ZNF827: variants seen among roughly 807,000 people sequenced by gnomAD.
The protein encoded by ZNF827 is zinc finger protein 827.
ZNF827 carries 13 observed loss-of-function variants against 102.4 expected under a neutral mutation model. The ratio of observed to expected loss-of-function variants is 0.13; its 90% CI spans 0.08 to 0.20. The LOEUF (loss-of-function observed/expected upper bound fraction) is 0.20. Among genes scored for constraint, ZNF827 ranks in the 10% least tolerant of loss-of-function variants. The probability of loss-of-function intolerance (pLI) is 1.00; values close to 1 mark genes in which losing one functional copy is unlikely to be tolerated. For missense variants in ZNF827, 1,103 were observed against 1,344.4 expected (o/e 0.82, Z 2.81); for synonymous variants, 523 against 536.2 (o/e 0.98, Z 0.34).
At position 145,761,450 on chromosome 4, in the gene ZNF827, G is replaced by A; in HGVS notation, c.*166C>T. ...TGGTCGCACTTGTAGTGGTTGCCCA[G>A]GCGGTGCTCCCGGGTGTGCGTCTCC... is the stretch of plus-strand genomic sequence containing the variant. On this transcript the variant is annotated 3_prime_UTR_variant, in exon 15 of 15. Transcript: ENST00000508784. This position sits in a 1 kb window ranked among gnomAD's most constrained non-coding sequence, Gnocchi z 6.8. 1 of 1,289,868 alleles carries A rather than the reference G, an allele frequency of 7.8e-7. No homozygotes were observed. The highest frequency in any genetic ancestry group is 1.0e-6 in the Non-Finnish European group (1 of 988,866). 79.9% of individuals were successfully genotyped at this position (1,289,868 alleles called of 1,614,324 possible).
chr4:145,917,495 C>T (rs1039508666), intron 1 of ZNF827, among the ~76,000 whole-genome samples: 13 of 152,090 alleles, frequency 8.5e-5, no homozygotes, highest in Middle Eastern at 3.4e-3. Flanking sequence ...AGCTATGAAG[C>T]CACAGCTTCT....
At chr4:145,874,917 TG>T (rs543862082) in intron 4 of ZNF827, among the ~76,000 whole-genome samples, 163 of 152,308 alleles carry the variant, frequency 1.1e-3, no homozygotes, top group Admixed American at 3.1e-3. Context: ...TTTATGTACT[TG>T]ATGGAGGTGG....
intron 1 of ZNF827, among the ~76,000 whole-genome samples, chr4:145,923,854 G>A (rs748487726): frequency 1.3e-5 from 2 of 152,052 alleles, no homozygotes; most frequent in South Asian, 2.1e-4. Context: ...CAATGCATAC[G>A]CACAAAAGGT....
At chr4:145,842,758 A>G (rs1428138780) in intron 7 of ZNF827, among the ~76,000 whole-genome samples, 3 of 152,208 alleles carry the variant, frequency 2.0e-5, no homozygotes, top group Middle Eastern at 3.2e-3. Flanking sequence ...TGCCCTTTAC[A>G]AACGAAACTA....
rs374611975 is a variant in ZNF827 at position 145,915,956 on chromosome 4, G to A, written c.44-12741C>T. ...CCTGAGTAAGTCCAAAACCCAACAGGGAAAACAATATTACATCTTAAGATG... is the reference window on the plus strand; with the variant it reads ...CCTGAGTAAGTCCAAAACCCAACAGAGAAAACAATATTACATCTTAAGATG... On this transcript the variant is annotated intron_variant, in intron 1 of 14. Transcript: ENST00000508784. 4.6e-5 allele frequency among the ~76,000 whole-genome samples: 7 copies of A among 152,338 alleles called. No individual in the cohort carries two copies. The East Asian group carries it at 1.2e-3, about 25-fold the overall frequency.
intron 4 of ZNF827, among the ~76,000 whole-genome samples, chr4:145,882,619 A>T (rs965303901): frequency 6.6e-6 from 1 of 152,186 alleles, no homozygotes; most frequent in Admixed American, 6.5e-5. Flanking sequence ...GTTTTAGTTG[A>T]AGGAGCAAGA....
chr4:145,876,321 A>G (rs1479066093), intron 4 of ZNF827, among the ~76,000 whole-genome samples: 1 of 152,196 alleles, frequency 6.6e-6, no homozygotes, highest in African/African-American at 2.4e-5. Flanking sequence ...TGGCATCTCT[A>G]CGCACTAGTA....
At position 145,760,804 on chromosome 4, in the gene ZNF827, A is replaced by G. The variant is rs907726600; in HGVS notation, c.*812T>C. The G allele has an allele frequency of 1.7e-6, 2 of 1,172,378 alleles. No individual in the cohort carries two copies. The allele number at this position is 1,172,378 out of a possible 1,614,324, so 72.6% of individuals were successfully genotyped here. A position where few individuals can be genotyped will look rare whatever the true frequency, so the allele number is the denominator to read the frequency against. On this transcript the variant is annotated 3_prime_UTR_variant, in exon 15 of 15. Transcript: ENST00000508784. ...TCAGACAGTCTCTGCTCTTTCTCTC[A>G]GTCCGAGATAGGCCAGGAAGGAGTG...
At chr4:145,776,198 T>C (rs191361237) in intron 9 of ZNF827, among the ~76,000 whole-genome samples, 184 of 152,282 alleles carry the variant, frequency 1.2e-3, no homozygotes, top group Middle Eastern at 3.4e-3. Flanking sequence ...GGCTCACACC[T>C]GTAATTCTAG....
chr4:145,763,122 G>A lies in ZNF827; in HGVS notation c.3231C>T (p.Asn1077=). The A allele has an allele frequency of 6.5e-7, 1 of 1,536,078 alleles. No homozygotes were observed. Among genetic ancestry groups the A allele is most frequent in the Non-Finnish European group, 8.7e-7 (1 of 1,146,860 alleles). ...KCHTVPTGGL[N]SGQW is the part of the protein sequence containing the mutation. ...AGTCTGAAACTCACCACTGTCCTGAGCTACGGCAAAAGAAAAATAATAGTA... is the reference window on the plus strand; with the variant it reads ...AGTCTGAAACTCACCACTGTCCTGAACTACGGCAAAAGAAAAATAATAGTA... The change falls in exon 14 of 15, where the codon AAC becomes AAT. Residue 1077 remains asparagine, a splice_region_variant and synonymous_variant. Coordinates refer to ENST00000508784, the MANE Select transcript of ZNF827 (RefSeq NM_001306215.2). This position sits in a 1 kb window ranked among gnomAD's most constrained non-coding sequence, Gnocchi z 4.6.
Position 145,911,595 on chromosome 4 carries a change from T to A in ZNF827, c.44-8380A>T, listed in dbSNP as rs796969795. On this transcript the variant is annotated intron_variant, in intron 1 of 14. Transcript: ENST00000508784. The stretch of plus-strand genomic sequence containing the variant: ...TAATCTGTACGATATCAAAAACTAT[T>A]CATTATACTTGAAGTTTGTTATATG... Among the ~76,000 whole-genome samples the A allele has an allele frequency of 9.8e-5, 15 of 152,320 alleles. 1 individual carries two copies. The highest frequency in any genetic ancestry group is 3.4e-4 in the African/African-American group (14 of 41,564).
intron 7 of ZNF827, among the ~76,000 whole-genome samples, chr4:145,838,547 G>T (rs1192989236): frequency 6.6e-6 from 1 of 152,068 alleles, no homozygotes; most frequent in Non-Finnish European, 1.5e-5. Flanking sequence ...AATTTTTTGG[G>T]GGGGGACCCT....
Position 145,885,951 on chromosome 4 carries a change from C to T in ZNF827, c.1474G>A (p.Gly492Arg), listed in dbSNP as rs747648940. 2.5e-6 allele frequency: 4 copies of T among 1,614,128 alleles called. No homozygotes were observed. Among genetic ancestry groups the T allele is most frequent in the Non-Finnish European group, 8.5e-7 (1 of 1,179,996 alleles). The change falls in exon 4 of 15, where the codon GGA becomes AGA. Residue 492 changes from glycine to arginine, a missense_variant. Gly to Arg is a moderately radical substitution (Grantham distance 125). This residue lies in a region of ZNF827 where 157 missense variants were observed against 211.7 expected (regional missense o/e 0.74). Coordinates refer to ENST00000508784, the MANE Select transcript of ZNF827 (RefSeq NM_001306215.2). ...GTCCCCACTAGCTCTGTCCCTCCTC[C>T]TTCCCTTTGCTGCCCCAGGCAGGCA... ...DSACLGQQRE[G>R]GGTELVGTMM...
intron 8 of ZNF827, among the ~76,000 whole-genome samples, chr4:145,800,617 T>G (rs536209144): frequency 3.3e-5 from 5 of 152,296 alleles, no homozygotes; most frequent in Admixed American, 2.6e-4. Context: ...ATGCCCTTTA[T>G]GTACACATCT....
chr4:145,859,736 C>G (rs1747521797), intron 5 of ZNF827, among the ~76,000 whole-genome samples: 1 of 152,180 alleles, frequency 6.6e-6, no homozygotes, highest in Admixed American at 6.5e-5. Context: ...AAACAGCCAA[C>G]CAGATGGCAG....
intron 3 of ZNF827, among the ~76,000 whole-genome samples, chr4:145,887,775 C>T (rs1279694050): frequency 6.6e-6 from 1 of 152,210 alleles, no homozygotes; most frequent in Admixed American, 6.5e-5. Context: ...CAGAAGCAGG[C>T]ACCTTGGGGA....
intron 4 of ZNF827, among the ~76,000 whole-genome samples, chr4:145,877,847 A>T (rs1749278502): frequency 6.6e-6 from 1 of 152,232 alleles, no homozygotes; most frequent in African/African-American, 2.4e-5. Context: ...AGCAGGAAGG[A>T]CAGGTCCTGG....
chr4:145,849,560 C>G lies in ZNF827; in HGVS notation c.1983G>C (p.Ala661=). Residue 661 remains alanine (A), a splice_region_variant and synonymous_variant, in exon 6 of 15, where the codon GCG becomes GCC. Coordinates refer to ENST00000508784, the MANE Select transcript of ZNF827 (RefSeq NM_001306215.2). ...AASELLMKLS[A]ESYKETQMVK... ...CCATCTGTGTTTCCTTGTAGCTTTC[C>G]GCTGCAAGTAGGTGAATGAAGAGAA... 2 of 1,613,780 alleles carry G rather than the reference C, an allele frequency of 1.2e-6. No homozygotes were observed. Among genetic ancestry groups the G allele is most frequent in the Non-Finnish European group, 1.7e-6 (2 of 1,179,748 alleles).
intron 8 of ZNF827, among the ~76,000 whole-genome samples, chr4:145,822,391 G>C (rs990235136): frequency 1.4e-5 from 2 of 145,644 alleles, no homozygotes; most frequent in Non-Finnish European, 3.0e-5. Flanking sequence ...TGTGATACCC[G>C]AGGCCAATAT....
Sources: allele counts gnomAD v4.1 joint callset (sites outside exome capture counted in the v4.1 genomes callset), GRCh38; gene constraint gnomAD v4.1.1; regional missense constraint gnomAD v4.1.1; non-coding constraint Gnocchi (gnomAD v3.1); transcripts MANE v1.5; gene names NCBI Gene and HGNC (gene_info 2026-07-23, HGNC 2026-07-21).